Variants in CCBE1 observed in about 807,000 individuals in gnomAD.
CCBE1 encodes the protein collagen and calcium-binding EGF domain-containing protein 1.
Under a neutral mutation model 50.0 loss-of-function variants are expected in CCBE1, and 37 were observed. The observed-to-expected ratio is 0.74, with a 90% CI of 0.57 to 0.97. The LOEUF is 0.97. CCBE1 is among the 50% of genes least tolerant of loss of function. CCBE1 has a pLI of 0.00. For synonymous variants in CCBE1, 234 were observed against 203.7 expected, an observed-to-expected ratio of 1.15 and a Z score of -1.27; for missense variants, 538 against 523.8, an observed-to-expected ratio of 1.03 and a Z score of -0.26.
In CCBE1 at chr18:59,696,668, G is replaced by C. The variant is rs778757631; in HGVS notation, c.173C>G (p.Pro58Arg). Residue 58 changes from proline to arginine, a missense_variant, in exon 2 of 11, where the codon CCG becomes CGG. Transcript: ENST00000439986. ...GAGCTCGCCTGAAGACTTCAGACAC[G>C]GGTATTTAGTCGTCGCGATTTTGCT... ...SESKIATTKY[P>R]CLKSSGELTT... is the part of the protein sequence containing the mutation. 28 of 1,613,924 alleles carry C rather than the reference G, an allele frequency of 1.7e-5. No homozygotes were observed. The highest frequency in any genetic ancestry group is 2.2e-5 in the East Asian group (1 of 44,884).
intron 2 of CCBE1, among the ~76,000 whole-genome samples, chr18:59,495,059 T>G (rs941352299): frequency 1.3e-5 from 2 of 152,166 alleles, no homozygotes; most frequent in Non-Finnish European, 2.9e-5. Flanking sequence ...GATAATTGCT[T>G]GAAACTGGGA....
At chr18:59,674,580 G>A (rs527325164) in intron 2 of CCBE1, among the ~76,000 whole-genome samples, 1 of 152,186 alleles carries the variant, frequency 6.6e-6, no homozygotes, top group South Asian at 2.1e-4. Context: ...TAACAAACCT[G>A]CATGTCCCGC....
chr18:59,652,771 T>C (rs978950300), intron 2 of CCBE1, among the ~76,000 whole-genome samples: 1 of 152,184 alleles, frequency 6.6e-6, no homozygotes, highest in Non-Finnish European at 1.5e-5. Context: ...GAGACCATCC[T>C]GGCTAACACG....
chr18:59,480,088 C>G, intron 3 of CCBE1, 98 bp downstream of exon 3: 2 of 842,802 alleles, frequency 2.4e-6, no homozygotes, highest in Non-Finnish European at 3.9e-6. Context: ...GATAATCAGA[C>G]ACAGATAAGA....
intron 2 of CCBE1, among the ~76,000 whole-genome samples, chr18:59,504,581 T>C (rs1177064585): frequency 6.6e-6 from 1 of 152,064 alleles, no homozygotes; most frequent in African/African-American, 2.4e-5. Context: ...GGCTGAGAAA[T>C]AAAGATGGGG....
At chr18:59,536,524 A>T (rs1915255193) in intron 2 of CCBE1, among the ~76,000 whole-genome samples, 1 of 152,198 alleles carries the variant, frequency 6.6e-6, no homozygotes, top group African/African-American at 2.4e-5. Context: ...TTGGGCTGGG[A>T]AAATGTCGAC....
intron 2 of CCBE1, among the ~76,000 whole-genome samples, chr18:59,490,443 G>T (rs34889120): frequency 0.11 from 14,870 of 135,218 alleles, 1,608 homozygotes; most frequent in East Asian, 0.55. Flanking sequence ...AATTGATTTT[G>T]TAAGAAAAAA....
chr18:59,565,834 CT>C (rs1599019207), intron 2 of CCBE1, among the ~76,000 whole-genome samples: 5 of 151,874 alleles, frequency 3.3e-5, no homozygotes, highest in Admixed American at 6.6e-5. Context: ...GGTTTTCAAG[CT>C]TTTTTCTCCC....
At chr18:59,656,834 G>A (rs1352997291) in intron 2 of CCBE1, among the ~76,000 whole-genome samples, 1 of 152,154 alleles carries the variant, frequency 6.6e-6, no homozygotes, top group Non-Finnish European at 1.5e-5. Context: ...TGTAGACAGG[G>A]TCAAGAACAT....
At position 59,444,090 on chromosome 18, in the gene CCBE1, T is replaced by A. The variant is rs558728831; in HGVS notation, c.775+3893A>T. Among the ~76,000 whole-genome samples, 92 of 149,548 alleles carry A rather than the reference T, an allele frequency of 6.2e-4. No individual in the cohort carries two copies. The South Asian group carries it at 0.019, about 31-fold the overall frequency. ...AATTTCCATCTTTTTAAAGGCTGAA[T>A]AATATTCCATTGTAAGTGTATGTCA... is the stretch of plus-strand genomic sequence containing the variant. On this transcript the variant is annotated intron_variant, in intron 7 of 10. Transcript: ENST00000439986.
intron 2 of CCBE1, among the ~76,000 whole-genome samples, chr18:59,609,921 T>C (rs2053547888): frequency 2.0e-5 from 3 of 152,252 alleles, no homozygotes; most frequent in South Asian, 2.1e-4. Flanking sequence ...TAATAAGTTC[T>C]TTCTCTGATG....
At chr18:59,446,505 G>A (rs1314196580) in intron 7 of CCBE1, among the ~76,000 whole-genome samples, 1 of 152,220 alleles carries the variant, frequency 6.6e-6, no homozygotes, top group Non-Finnish European at 1.5e-5. Flanking sequence ...GGGAATGAAC[G>A]AGGATAAGCC....
chr18:59,591,630 C>CA (rs1357650466), intron 2 of CCBE1, among the ~76,000 whole-genome samples: 2 of 152,046 alleles, frequency 1.3e-5, no homozygotes, highest in Non-Finnish European at 2.9e-5. Context: ...AGAAGACTGG[C>CA]AAAAATGAAA....
At position 59,585,417 on chromosome 18, in the gene CCBE1, A is replaced by G. The variant is rs2053164761; in HGVS notation, c.213-105179T>C. Among the ~76,000 whole-genome samples the G allele has an allele frequency of 2.6e-5, 4 of 152,126 alleles. No homozygotes were observed. The South Asian group carries it at 8.4e-4, about 32-fold the overall frequency. On this transcript the variant is annotated intron_variant, in intron 2 of 10. Coordinates refer to ENST00000439986, the MANE Select transcript of CCBE1 (RefSeq NM_133459.4). ...TCCACCAAGACTGCAGGCTCCTGAA[A>G]ATAAGAATCCTGTTGGGCTATCACT...
In CCBE1 at chr18:59,683,925, C is replaced by CA. The variant is rs576744919; in HGVS notation, c.212+12703dup. On this transcript the variant is annotated intron_variant, in intron 2 of 10. Transcript: ENST00000439986. The stretch of plus-strand genomic sequence containing the variant: ...CATGGTCCCGGCTGTGCCAAGACCT[C>CA]AAACCCCTCCCTTCCCTAGGACAGC... Among the ~76,000 whole-genome samples, 514 of 151,918 alleles carry CA rather than the reference C, an allele frequency of 3.4e-3. 2 individuals are homozygous for CA. Among genetic ancestry groups the CA allele is most frequent in the African/African-American group, 0.011 (475 of 41,436 alleles).
intron 2 of CCBE1, among the ~76,000 whole-genome samples, chr18:59,634,465 C>G (rs545793526): frequency 6.6e-6 from 1 of 152,308 alleles, no homozygotes; most frequent in South Asian, 2.1e-4. Flanking sequence ...AAACAAGTGT[C>G]CCGTGGAGGC....
chr18:59,589,577 C>T (rs1402537981), intron 2 of CCBE1, among the ~76,000 whole-genome samples: 4 of 152,022 alleles, frequency 2.6e-5, no homozygotes, highest in African/African-American at 4.8e-5. Context: ...GGGTGGATCA[C>T]GAGGCCAGGA....
chr18:59,475,165 C>G (rs1237395544), intron 3 of CCBE1, among the ~76,000 whole-genome samples: 1 of 152,144 alleles, frequency 6.6e-6, no homozygotes, highest in Non-Finnish European at 1.5e-5. Context: ...CCTCTCTGTC[C>G]TATTTCTTTT....
chr18:59,601,678 G>A (rs969043927), intron 2 of CCBE1, among the ~76,000 whole-genome samples: 4 of 152,184 alleles, frequency 2.6e-5, no homozygotes. Context: ...GATTAGACAT[G>A]AGCCACTATG....
Sources: allele counts gnomAD v4.1 joint callset (sites outside exome capture counted in the v4.1 genomes callset), GRCh38; gene constraint gnomAD v4.1.1; transcripts MANE v1.5; gene names NCBI Gene and HGNC (gene_info 2026-07-23, HGNC 2026-07-21).